SOX7: variants seen among roughly 807,000 people sequenced by gnomAD.
SOX7 encodes the protein transcription factor SOX-7.
Under a neutral mutation model 24.9 loss-of-function variants are expected in SOX7, and 19 were observed. The ratio of observed to expected loss-of-function variants is 0.76; its 90% confidence interval spans 0.53 to 1.12. The LOEUF is 1.12. Ranked by LOEUF, SOX7 falls within the 50% of genes most tolerant of loss-of-function variation. The pLI is 0.00. For missense variants in SOX7, 702 were observed against 535.0 expected (o/e 1.31, Z -3.08); for synonymous variants, 327 against 244.5 (o/e 1.34, Z -3.15).
rs775930397 is a variant in SOX7, at chr8:10,725,882, G to A, written c.1023C>T (p.His341=). 10 of 1,614,086 alleles carry A rather than the reference G, an allele frequency of 6.2e-6. No individual in the cohort carries two copies. The African/African-American group carries it at 1.2e-4, about 19-fold the overall frequency. Reference sequence around the variant, plus strand: ...CCATGGCCCCTGTGGCGGAGTCTGGGTGGCCAGGAGTGTTCAAATACTGGT... The same window carrying A: ...CCATGGCCCCTGTGGCGGAGTCTGGATGGCCAGGAGTGTTCAAATACTGGT... ...EFDQYLNTPG[H]PDSATGAMAL... Residue 341 remains histidine (H), a synonymous_variant, in exon 2 of 2, where the codon CAC becomes CAT. Transcript: ENST00000304501.
rs368097716 is a variant in SOX7 at position 10,726,650 on chromosome 8, C to T, written c.255G>A (p.Ala85=). 2.5e-6 allele frequency: 4 copies of T among 1,575,682 alleles called. No homozygotes were observed. The highest frequency in any genetic ancestry group is 3.4e-6 in the Non-Finnish European group (4 of 1,165,482). ...ACGGCCTCTTCTGGGACAGCGTCAG[C>T]GCCTTCCACGACTTTCCTGCTCACA... is the stretch of plus-strand genomic sequence containing the variant. ...LSKMLGKSWK[A]LTLSQKRPYV... The change falls in exon 2 of 2, where the codon GCG becomes GCA. Residue 85 remains alanine, a synonymous_variant. Transcript: ENST00000304501.
At position 10,730,134 on chromosome 8, in the gene SOX7, T is replaced by G; in HGVS notation, c.238+62A>C. On this transcript the variant is annotated intron_variant, in intron 1 of 1. Coordinates refer to ENST00000304501, the MANE Select transcript of SOX7 (RefSeq NM_031439.4). This position sits in a 1 kb window ranked among gnomAD's most constrained non-coding sequence, Gnocchi z 4.8. Reference sequence around the variant, plus strand: ...CTCCGCGCTCGCACCCGCCCTGCAGTGCCGCCAGCCGCCCGCCGCCCGCCC... The same window carrying G: ...CTCCGCGCTCGCACCCGCCCTGCAGGGCCGCCAGCCGCCCGCCGCCCGCCC... 1 of 1,272,622 alleles carries G rather than the reference T, an allele frequency of 7.9e-7. No individual in the cohort carries two copies. Among genetic ancestry groups the G allele is most frequent in the Non-Finnish European group, 1.0e-6 (1 of 987,860 alleles). 78.8% of individuals were successfully genotyped at this position (1,272,622 alleles called of 1,614,324 possible).
intron 1 of SOX7, among the ~76,000 whole-genome samples, chr8:10,728,835 G>C (rs1303929279): frequency 6.6e-6 from 1 of 152,204 alleles, no homozygotes; most frequent in African/African-American, 2.4e-5. Context: ...GGAAAAAAAA[G>C]TTTGGGGATC....
At chr8:10,726,736 G>A (rs1469013373) in intron 1 of SOX7, 70 bp from the exon 2 acceptor site, 9 of 1,380,478 alleles carry the variant, frequency 6.5e-6, no homozygotes, top group Non-Finnish European at 4.9e-6. Context: ...GCACACGCGT[G>A]CACACACACG....
chr8:10,725,889 G>C lies in SOX7; in HGVS notation c.1016C>G (p.Pro339Arg). 1 of 1,614,216 alleles carries C rather than the reference G, an allele frequency of 6.2e-7. No homozygotes were observed. Among genetic ancestry groups the C allele is most frequent in the Non-Finnish European group, 8.5e-7 (1 of 1,180,036 alleles). ...RNEFDQYLNT[P>R]GHPDSATGAM... The stretch of plus-strand genomic sequence containing the variant: ...CCCTGTGGCGGAGTCTGGGTGGCCA[G>C]GAGTGTTCAAATACTGGTCGAATTC... Residue 339 changes from proline (P) to arginine (R), a missense_variant, in exon 2 of 2, where the codon CCT (proline) becomes CGT (arginine). Pro to Arg is a moderately radical substitution (Grantham distance 103). Transcript: ENST00000304501.
rs746114893 is a variant in SOX7 at position 10,726,167 on chromosome 8, G to A, written c.738C>T (p.Tyr246=). 6.2e-6 allele frequency: 10 copies of A among 1,606,810 alleles called. No individual in the cohort carries two copies. The highest frequency in any genetic ancestry group is 1.3e-5 in the African/African-American group (1 of 74,988). The stretch of plus-strand genomic sequence containing the variant: ...GGCTACAGTGGAGAGGGCTTGGGGC[G>A]TACTCCGGTGAGTACGGGTGCCCTG... The part of the protein sequence containing the change: ...HLPGHPYSPE[Y]APSPLHCSHP... The change falls in exon 2 of 2, where the codon TAC becomes TAT. Residue 246 remains tyrosine, a synonymous_variant. Transcript: ENST00000304501.
Position 10,726,250 on chromosome 8 carries a change from A to C in SOX7, c.655T>G (p.Phe219Val). Reference sequence around the variant, plus strand: ...TCCTCCTGGCAGGGGGAGGAGAAGAAGGTCTGCTCCGGCTCCAGCACGTCC... The same window carrying C: ...TCCTCCTGGCAGGGGGAGGAGAAGACGGTCTGCTCCGGCTCCAGCACGTCC... ...PLDVLEPEQT[F>V]FSSPCQEEHG... The change falls in exon 2 of 2, where the codon TTC becomes GTC. Residue 219 changes from phenylalanine to valine, a missense_variant. Transcript: ENST00000304501. The C allele has an allele frequency of 6.2e-7, 1 of 1,613,730 alleles. No homozygotes were observed. The highest frequency in any genetic ancestry group is 8.5e-7 in the Non-Finnish European group (1 of 1,179,912).
rs1327071284 is a variant in SOX7 at position 10,726,807 on chromosome 8, C to T, written c.239-141G>A. 10 of 756,674 alleles carry T rather than the reference C, an allele frequency of 1.3e-5. No individual in the cohort carries two copies. In the East Asian group the frequency reaches 2.5e-4, roughly 19 times the overall value. The allele number at this position is 756,674 out of a possible 1,614,324, so 46.9% of individuals were successfully genotyped here. A position where few individuals can be genotyped will look rare whatever the true frequency, so the allele number is the denominator to read the frequency against. On this transcript the variant is annotated intron_variant, in intron 1 of 1. Transcript: ENST00000304501. ...CCACAGAGGACACGGGCATCTCTTG[C>T]ACCCTCTTCCCAGCCCAGATCCTGC...
chr8:10,725,604 G>T lies in SOX7; in HGVS notation c.*134C>A. The T allele has an allele frequency of 1.1e-6, 1 of 908,762 alleles. No individual in the cohort carries two copies. 56.3% of individuals were successfully genotyped at this position (908,762 alleles called of 1,614,324 possible). A position where few individuals can be genotyped will look rare whatever the true frequency, so the allele number is the denominator to read the frequency against. On this transcript the variant is annotated 3_prime_UTR_variant, in exon 2 of 2. Coordinates refer to ENST00000304501, the MANE Select transcript of SOX7 (RefSeq NM_031439.4). Reference sequence around the variant, plus strand: ...AAGGAGAGTCCAGCTTAGGCCAAAGGCTCTGGGGCCGCAGTTCAGACCTCC... The same window carrying T: ...AAGGAGAGTCCAGCTTAGGCCAAAGTCTCTGGGGCCGCAGTTCAGACCTCC...
intron 1 of SOX7, among the ~76,000 whole-genome samples, chr8:10,727,979 T>C (rs1001462247): frequency 3.9e-5 from 6 of 152,174 alleles, no homozygotes; most frequent in South Asian, 2.1e-4. Flanking sequence ...ATTGTACCAA[T>C]TGGGAGAAAA....
Position 10,725,486 on chromosome 8 carries a change from G to A in SOX7, c.*252C>T. On this transcript the variant is annotated 3_prime_UTR_variant, in exon 2 of 2. Coordinates refer to ENST00000304501, the MANE Select transcript of SOX7 (RefSeq NM_031439.4). ...TTCCACTGGGAGACAGCAACTCTCA[G>A]GGGCTGGAGGAAAACTCACTTGAAG... 1 of 547,176 alleles carries A rather than the reference G, an allele frequency of 1.8e-6. No individual in the cohort carries two copies. Among genetic ancestry groups the A allele is most frequent in the Non-Finnish European group, 3.3e-6 (1 of 307,328 alleles). The allele number at this position is 547,176 out of a possible 1,614,324, so 33.9% of individuals were successfully genotyped here.
In SOX7 at chr8:10,725,531, G is replaced by A; in HGVS notation, c.*207C>T. ...TTGAAGGAATATACTTAAAATGTGG[G>A]CTGCAGGGGCTGGAACGTGGGGAAG... On this transcript the variant is annotated 3_prime_UTR_variant, in exon 2 of 2. Transcript: ENST00000304501. The A allele has an allele frequency of 1.7e-6, 1 of 597,564 alleles. No individual in the cohort carries two copies. The highest frequency in any genetic ancestry group is 3.0e-6 in the Non-Finnish European group (1 of 336,778). The allele number at this position is 597,564 out of a possible 1,614,324, so 37.0% of individuals were successfully genotyped here.
rs1446113041 is a variant in SOX7 at position 10,726,227 on chromosome 8, C to T, written c.678G>A (p.Glu226=). Residue 226 remains glutamate, a synonymous_variant, in exon 2 of 2, where the codon GAG becomes GAA. Transcript: ENST00000304501. ...EQTFFSSPCQ[E]EHGHPRRIPH... ...GGATGCGGCGGGGATGGCCATGCTC[C>T]TCCTGGCAGGGGGAGGAGAAGAAGG... The T allele has an allele frequency of 1.2e-6, 2 of 1,613,454 alleles. No homozygotes were observed. Among genetic ancestry groups the T allele is most frequent in the South Asian group, 1.1e-5 (1 of 91,064 alleles).
intron 1 of SOX7, among the ~76,000 whole-genome samples, chr8:10,727,433 C>G (rs938359343): frequency 2.6e-5 from 4 of 152,216 alleles, no homozygotes; most frequent in African/African-American, 7.2e-5. Context: ...AGCCACAGAT[C>G]TCCATGCAGA....
Position 10,726,248 on chromosome 8 carries a change from G to A in SOX7, c.657C>T (p.Phe219=), listed in dbSNP as rs370342985. 1.9e-6 allele frequency: 3 copies of A among 1,613,856 alleles called. No homozygotes were observed. Among genetic ancestry groups the A allele is most frequent in the East Asian group, 4.5e-5 (2 of 44,846 alleles). The stretch of plus-strand genomic sequence containing the variant: ...GCTCCTCCTGGCAGGGGGAGGAGAA[G>A]AAGGTCTGCTCCGGCTCCAGCACGT... ...PLDVLEPEQT[F]FSSPCQEEHG... Residue 219 remains phenylalanine, a synonymous_variant, in exon 2 of 2, where the codon TTC becomes TTT. Coordinates refer to ENST00000304501, the MANE Select transcript of SOX7 (RefSeq NM_031439.4).
Position 10,730,231 on chromosome 8 carries a change from G to C in SOX7, c.203C>G (p.Pro68Arg), listed in dbSNP as rs201119602. The C allele has an allele frequency of 7.4e-5, 115 of 1,561,172 alleles. 2 individuals are homozygous for C. In the Admixed American group the frequency reaches 1.6e-3, roughly 22 times the overall value. ...GCTGAGCTCGGCGTTGTGCAGGTCCGGGTTCTGCACTGCCAGCCGTTTCCT... is the reference window on the plus strand; with the variant it reads ...GCTGAGCTCGGCGTTGTGCAGGTCCCGGTTCTGCACTGCCAGCCGTTTCCT... Reference protein sequence around the residue: ...DERKRLAVQNPDLHNAELSKM... With the variant: ...DERKRLAVQNRDLHNAELSKM... Residue 68 changes from proline (P) to arginine (R), a missense_variant, in exon 1 of 2, where the codon CCG (proline) becomes CGG (arginine). Pro to Arg is a moderately radical substitution (Grantham distance 103). Coordinates refer to ENST00000304501, the MANE Select transcript of SOX7 (RefSeq NM_031439.4). This position sits in a 1 kb window ranked among gnomAD's most constrained non-coding sequence, Gnocchi z 4.8.
Position 10,726,047 on chromosome 8 carries a change from CG to C in SOX7, c.857del (p.Pro286ArgfsTer33). 6.4e-7 allele frequency: 1 copy of C among 1,568,862 alleles called. No homozygotes were observed. The highest frequency in any genetic ancestry group is 8.6e-7 in the Non-Finnish European group (1 of 1,156,486). On this transcript the variant is annotated frameshift_variant, in exon 2 of 2. Transcript: ENST00000304501. LOFTEE classifies it high-confidence loss of function. ...TGGAGTGGAGTGGGTGGTAGGTGGC[CG>C]GGGAGTAATAGGCAGGAGATGGGGG... ...GCPPSPAYYS[P>X]ATYHPLHSNL...
chr8:10,727,805 C>T (rs1328936060), intron 1 of SOX7, among the ~76,000 whole-genome samples: 1 of 152,166 alleles, frequency 6.6e-6, no homozygotes, highest in African/African-American at 2.4e-5. Flanking sequence ...GTTTGAGACC[C>T]GCTAGCCTAG....
At chr8:10,727,792 G>T (rs1199934652) in intron 1 of SOX7, among the ~76,000 whole-genome samples, 1 of 152,154 alleles carries the variant, frequency 6.6e-6, no homozygotes, top group East Asian at 1.9e-4. Flanking sequence ...AATGTGTCCT[G>T]AAGTTTGAGA....
Sources: allele counts gnomAD v4.1 joint callset (sites outside exome capture counted in the v4.1 genomes callset), GRCh38; gene constraint gnomAD v4.1.1; non-coding constraint Gnocchi (gnomAD v3.1); transcripts MANE v1.5; gene names NCBI Gene and HGNC (gene_info 2026-07-23, HGNC 2026-07-21).